Variants in GPR149 observed in about 807,000 individuals in gnomAD.
GPR149 encodes G protein-coupled receptor 149.
A neutral mutation model predicts 50.2 loss-of-function variants in GPR149; 50 were observed. That is an observed-to-expected ratio of 1.00 (90% CI 0.79 to 1.26). GPR149 has a LOEUF of 1.26. Ranked by LOEUF, GPR149 falls within the 50% of genes most tolerant of loss-of-function variation. The pLI, the probability that GPR149 is intolerant of heterozygous loss-of-function variation, is 0.00. For missense variants in GPR149, 983 were observed against 895.4 expected (o/e 1.10, Z -1.25); for synonymous variants, 405 against 358.2 (o/e 1.13, Z -1.48).
intron 3 of GPR149, among the ~76,000 whole-genome samples, chr3:154,369,429 C>T (rs1259141403): frequency 2.0e-5 from 3 of 152,190 alleles, no homozygotes; most frequent in Admixed American, 6.5e-5. Flanking sequence ...CAATACTGCC[C>T]TGTGCCAAGC....
intron 3 of GPR149, among the ~76,000 whole-genome samples, chr3:154,397,212 C>T (rs990182025): frequency 6.6e-6 from 1 of 151,990 alleles, no homozygotes; most frequent in Non-Finnish European, 1.5e-5. Flanking sequence ...AAAGGACAGG[C>T]TCATAAATGA....
rs758892226 is a variant in GPR149, at chr3:154,428,664, T to A, written c.952A>T (p.Thr318Ser). The change falls in exon 1 of 4, where the codon ACA (threonine) becomes TCA (serine). Residue 318 changes from threonine (T) to serine (S), a missense_variant. Transcript: ENST00000389740. Reference protein sequence around the residue: ...QKRFALILALTKVVLWLPMMM... With the variant: ...QKRFALILALSKVVLWLPMMM... ...ATGGGCAGCCAAAGGACGACTTTTG[T>A]AAGCGCTAGGATCAAAGCGAAGCGC... is the stretch of plus-strand genomic sequence containing the variant. 3.7e-6 allele frequency: 6 copies of A among 1,612,220 alleles called. No homozygotes were observed. Among genetic ancestry groups the A allele is most frequent in the Non-Finnish European group, 4.2e-6 (5 of 1,179,432 alleles).
At chr3:154,354,788 T>C (rs1375906167) in intron 3 of GPR149, 3 of 683,758 alleles carry the variant, frequency 4.4e-6, no homozygotes, top group Non-Finnish European at 6.4e-6. Context: ...CCCCAAGGAG[T>C]TTCCCAGGCA....
chr3:154,391,679 A>C lies in GPR149; in HGVS notation c.1623+29360T>G, dbSNP rs577267658. On this transcript the variant is annotated intron_variant, in intron 3 of 3. Transcript: ENST00000389740. ...TGTAGCTGAATGGATGAAAAAAAACAAGATCCAACTTATATTGGATCAATT... is the reference window on the plus strand; with the variant it reads ...TGTAGCTGAATGGATGAAAAAAAACCAGATCCAACTTATATTGGATCAATT... Among the ~76,000 whole-genome samples, 3 of 151,888 alleles carry C rather than the reference A, an allele frequency of 2.0e-5. No individual in the cohort carries two copies. The South Asian group carries it at 6.2e-4, about 31-fold the overall frequency.
At position 154,337,770 on chromosome 3, in the gene GPR149, CA is replaced by C; in HGVS notation, c.2124del (p.Asp708GlufsTer10). The C allele has an allele frequency of 6.2e-7, 1 of 1,613,352 alleles. No homozygotes were observed. The highest frequency in any genetic ancestry group is 8.5e-7 in the Non-Finnish European group (1 of 1,179,700). ...QNSKRQHQER[D>X]GYQEEIQLLN... ...AACAACTGGATTTCCTCCTGGTAGC[CA>C]TCCCTCTCTTGATGCTGCCTTTTAC... is the stretch of plus-strand genomic sequence containing the variant. On this transcript the variant is annotated frameshift_variant, in exon 4 of 4. Coordinates refer to ENST00000389740, the MANE Select transcript of GPR149 (RefSeq NM_001038705.3). LOFTEE classifies it high-confidence loss of function.
At chr3:154,346,219 T>A (rs1313671505) in intron 3 of GPR149, among the ~76,000 whole-genome samples, 1 of 152,136 alleles carries the variant, frequency 6.6e-6, no homozygotes, top group Non-Finnish European at 1.5e-5. Context: ...TTTAAGATGG[T>A]TAGTAGAGAT....
intron 3 of GPR149, among the ~76,000 whole-genome samples, chr3:154,391,567 G>A (rs1576918912): frequency 1.3e-5 from 2 of 151,332 alleles, no homozygotes; most frequent in Non-Finnish European, 3.0e-5. Flanking sequence ...AAAAAAACAT[G>A]GCTATAGTAA....
rs539315233 is a variant in GPR149 at position 154,417,915 on chromosome 3, T to C, written c.1623+3124A>G. Among the ~76,000 whole-genome samples, 6 of 152,258 alleles carry C rather than the reference T, an allele frequency of 3.9e-5. No individual in the cohort carries two copies. The South Asian group carries it at 1.2e-3, about 32-fold the overall frequency. On this transcript the variant is annotated intron_variant, in intron 3 of 3. Coordinates refer to ENST00000389740, the MANE Select transcript of GPR149 (RefSeq NM_001038705.3). The stretch of plus-strand genomic sequence containing the variant: ...GCATTTTAAATTACAATGTGAACAT[T>C]TTAAACTTTGTGATTTAGAATGTTT...
intron 3 of GPR149, among the ~76,000 whole-genome samples, chr3:154,348,891 C>T (rs1313774603): frequency 4.6e-5 from 7 of 151,944 alleles, no homozygotes. Flanking sequence ...ATAAGACAAA[C>T]CCTAGGGAAT....
intron 3 of GPR149, chr3:154,352,704 G>C (rs780450884): frequency 1.3e-6 from 1 of 783,332 alleles, no homozygotes; most frequent in African/African-American, 1.7e-5. Context: ...CTGATGGTCA[G>C]AAAAAATCAA....
rs180909632 is a variant in GPR149, at chr3:154,388,016, A to G, written c.1623+33023T>C. On this transcript the variant is annotated intron_variant, in intron 3 of 3. Transcript: ENST00000389740. The stretch of plus-strand genomic sequence containing the variant: ...TTTTATAACTTGCCTCAATGTGCAG[A>G]GATATTTAAAATAAAGAAATAATCA... 1.7e-4 allele frequency among the ~76,000 whole-genome samples: 26 copies of G among 152,306 alleles called. 1 individual carries two copies. In the East Asian group the frequency reaches 4.4e-3, roughly 26 times the overall value.
intron 3 of GPR149, among the ~76,000 whole-genome samples, chr3:154,367,044 G>T (rs773864870): frequency 6.6e-6 from 1 of 152,162 alleles, no homozygotes; most frequent in Admixed American, 6.6e-5. Flanking sequence ...CTGGAGGCTG[G>T]AAAGTTCAAG....
intron 3 of GPR149, among the ~76,000 whole-genome samples, chr3:154,356,067 A>G (rs1384279760): frequency 6.6e-6 from 1 of 152,198 alleles, no homozygotes; most frequent in African/African-American, 2.4e-5. Context: ...GTGACAGGGA[A>G]TAAGAGTAAA....
rs1241915809 is a variant in GPR149, at chr3:154,352,056, A to C, written c.1624-13785T>G. 9.0e-6 allele frequency: 4 copies of C among 442,926 alleles called. 1 individual carries two copies. Among genetic ancestry groups the C allele is most frequent in the African/African-American group, 8.1e-5 (4 of 49,102 alleles). 27.4% of individuals were successfully genotyped at this position (442,926 alleles called of 1,614,324 possible). On this transcript the variant is annotated intron_variant, in intron 3 of 3. Coordinates refer to ENST00000389740, the MANE Select transcript of GPR149 (RefSeq NM_001038705.3). ...ATAGCAGACACATACCTCAACTATC[A>C]TGAGCTAATTTTTGGTGGATAATAT...
At chr3:154,365,076 G>A (rs1354689534) in intron 3 of GPR149, among the ~76,000 whole-genome samples, 1 of 152,188 alleles carries the variant, frequency 6.6e-6, no homozygotes, top group East Asian at 1.9e-4. Context: ...CTGGCCACCT[G>A]AGACTCTCTG....
At chr3:154,367,502 G>A (rs1714557912) in intron 3 of GPR149, among the ~76,000 whole-genome samples, 1 of 152,126 alleles carries the variant, frequency 6.6e-6, no homozygotes, top group Admixed American at 6.6e-5. Flanking sequence ...ATAAACTTAA[G>A]TTACAATTCC....
chr3:154,407,090 C>T (rs1243050132), intron 3 of GPR149, among the ~76,000 whole-genome samples: 1 of 151,998 alleles, frequency 6.6e-6, no homozygotes, highest in East Asian at 1.9e-4. Context: ...GGGAAACCAC[C>T]CCTCATGATT....
intron 3 of GPR149, among the ~76,000 whole-genome samples, chr3:154,367,336 T>TC (rs777111578): frequency 4.0e-4 from 14 of 35,422 alleles, no homozygotes; most frequent in Admixed American, 8.6e-4. Context: ...CTCTCTCCCT[T>TC]CCCCCCCCCG....
chr3:154,420,860 G>T (rs1018860463), intron 3 of GPR149, among the ~76,000 whole-genome samples, 179 bp downstream of exon 3: 2 of 151,778 alleles, frequency 1.3e-5, no homozygotes, highest in Non-Finnish European at 2.9e-5. Context: ...CTGATTAAAA[G>T]AATTAAAAAG....
Sources: allele counts gnomAD v4.1 joint callset (sites outside exome capture counted in the v4.1 genomes callset), GRCh38; gene constraint gnomAD v4.1.1; transcripts MANE v1.5; gene names NCBI Gene and HGNC (gene_info 2026-07-23, HGNC 2026-07-21).